CSMD2: variants seen among roughly 807,000 people sequenced by gnomAD.
The protein encoded by CSMD2 is CUB and Sushi multiple domains 2, also known as CUB and sushi domain-containing protein 2.
CSMD2 carries 130 observed loss-of-function variants against 398.5 expected under a neutral mutation model. The observed-to-expected ratio is 0.33, with a 90% CI of 0.28 to 0.38. CSMD2 has a LOEUF of 0.38. CSMD2 is among the 10% of genes least tolerant of loss of function. The pLI is 1.00. For missense variants in CSMD2, 3,829 were observed against 4,764.9 expected (o/e 0.80, Z 5.78); for synonymous variants, 1,828 against 1,908.5 (o/e 0.96, Z 1.10).
At chr1:33,697,890 G>A (rs1007889112) in intron 24 of CSMD2, among the ~76,000 whole-genome samples, 1 of 152,216 alleles carries the variant, frequency 6.6e-6, no homozygotes, top group African/African-American at 2.4e-5. Context: ...TTTGGCATGT[G>A]GGGCTTGGTA....
At position 33,987,349 on chromosome 1, in the gene CSMD2, G is replaced by A. The variant is rs375964830; in HGVS notation, c.517+45245C>T. Among the ~76,000 whole-genome samples, 32 of 152,118 alleles carry A rather than the reference G, an allele frequency of 2.1e-4. 1 individual carries two copies. The South Asian group carries it at 5.8e-3, about 28-fold the overall frequency. ...ATACACATACCAGATAATTTAATCCGCATAATACCCCAGAAGGTAAATTTA... is the reference window on the plus strand; with the variant it reads ...ATACACATACCAGATAATTTAATCCACATAATACCCCAGAAGGTAAATTTA... On this transcript the variant is annotated intron_variant, in intron 3 of 70. Transcript: ENST00000373381.
chr1:33,925,455 T>C (rs1644095244), intron 4 of CSMD2, among the ~76,000 whole-genome samples: 1 of 152,210 alleles, frequency 6.6e-6, no homozygotes, highest in Non-Finnish European at 1.5e-5. Flanking sequence ...AGCCTTGTAA[T>C]ATATTTTGAA....
chr1:33,603,802 T>C (rs1640392976), intron 42 of CSMD2, among the ~76,000 whole-genome samples: 1 of 152,182 alleles, frequency 6.6e-6, no homozygotes, highest in South Asian at 2.1e-4. Flanking sequence ...ATATTTATAC[T>C]CAGACCTAAG....
At chr1:33,878,768 T>C (rs1641026773) in intron 5 of CSMD2, among the ~76,000 whole-genome samples, 1 of 152,202 alleles carries the variant, frequency 6.6e-6, no homozygotes, top group Non-Finnish European at 1.5e-5. Flanking sequence ...AAGATACTAT[T>C]GAGATATGAC....
intron 1 of CSMD2, among the ~76,000 whole-genome samples, chr1:34,147,108 A>T (rs553435390): frequency 6.6e-6 from 1 of 152,168 alleles, no homozygotes; most frequent in Non-Finnish European, 1.5e-5. Context: ...ATACAAAAAA[A>T]TTAGCTGGGC....
intron 3 of CSMD2, among the ~76,000 whole-genome samples, chr1:34,019,344 A>G (rs114764109): frequency 3.3e-3 from 499 of 152,292 alleles, no homozygotes; most frequent in African/African-American, 8.0e-3. Flanking sequence ...ACATTCATCT[A>G]TTCAGCAAGA....
intron 49 of CSMD2, 120 bp from the exon 50 acceptor site, chr1:33,572,811 G>C: frequency 5.6e-6 from 4 of 710,936 alleles, no homozygotes; most frequent in East Asian, 3.1e-5. Context: ...AAAGGGTAAA[G>C]TATCATAATA....
intron 53 of CSMD2, among the ~76,000 whole-genome samples, chr1:33,565,760 A>C (rs1427726419): frequency 1.3e-5 from 2 of 152,232 alleles, no homozygotes; most frequent in Non-Finnish European, 2.9e-5. Context: ...ATTCTCAAAT[A>C]AGCATCTGGA....
At position 33,559,830 on chromosome 1, in the gene CSMD2, C is replaced by A. The variant is rs1281075146; in HGVS notation, c.8381-357G>T. 6.6e-6 allele frequency among the ~76,000 whole-genome samples: 1 copy of A among 152,084 alleles called. No homozygotes were observed. The highest frequency in any genetic ancestry group is 1.5e-5 in the Non-Finnish European group (1 of 68,024). ...TCTTAATTGCTGGGTATACTGATGG[C>A]CAACTGTCAGCTGGTTTAGGCCCAT... On this transcript the variant is annotated intron_variant, in intron 53 of 70. Coordinates refer to ENST00000373381, the MANE Select transcript of CSMD2 (RefSeq NM_001281956.2). This position sits in a 1 kb window ranked among gnomAD's most constrained non-coding sequence, Gnocchi z 4.0.
intron 6 of CSMD2, among the ~76,000 whole-genome samples, chr1:33,833,989 T>G (rs1326349991): frequency 1.1e-3 from 163 of 148,844 alleles, no homozygotes; most frequent in Non-Finnish European, 1.6e-3. Flanking sequence ...CACTGCTCAA[T>G]GAAATAAAAG....
At chr1:33,606,474 C>T (rs1328290403) in intron 41 of CSMD2, among the ~76,000 whole-genome samples, 1 of 152,206 alleles carries the variant, frequency 6.6e-6, no homozygotes, top group Non-Finnish European at 1.5e-5. Context: ...AGGAACTGGG[C>T]AGGTTTCCCT....
intron 6 of CSMD2, among the ~76,000 whole-genome samples, chr1:33,840,352 C>CTCT (rs917452735): frequency 8.5e-5 from 13 of 152,152 alleles, no homozygotes; most frequent in Non-Finnish European, 4.4e-5. Context: ...GCCTGGCTAC[C>CTCT]TCTTATTTGT....
At chr1:33,867,251 T>C (rs555732166) in intron 5 of CSMD2, among the ~76,000 whole-genome samples, 14 of 152,318 alleles carry the variant, frequency 9.2e-5, no homozygotes, top group African/African-American at 3.1e-4. Flanking sequence ...GTGGGAAATG[T>C]CTAGAAGCTG....
In CSMD2 at chr1:33,610,927, A is replaced by C. The variant is rs373145321; in HGVS notation, c.6343+114T>G. On this transcript the variant is annotated intron_variant, in intron 41 of 70. Coordinates refer to ENST00000373381, the MANE Select transcript of CSMD2 (RefSeq NM_001281956.2). ...CTTCCCTGACTGGGCCTGCCACCGC[A>C]ACCCACCCCTTATGGTGTTCTGTTT... 2.9e-5 allele frequency: 30 copies of C among 1,025,760 alleles called. No individual in the cohort carries two copies. In the African/African-American group the frequency reaches 4.3e-4, roughly 15 times the overall value. 63.5% of individuals were successfully genotyped at this position (1,025,760 alleles called of 1,614,324 possible). A position where few individuals can be genotyped will look rare whatever the true frequency, so the allele number is the denominator to read the frequency against.
intron 33 of CSMD2, among the ~76,000 whole-genome samples, chr1:33,625,737 C>T (rs1205355603): frequency 6.6e-6 from 1 of 152,162 alleles, no homozygotes; most frequent in Non-Finnish European, 1.5e-5. Context: ...ATGGCCTCCC[C>T]TGTGATAGGA....
chr1:33,995,756 A>G (rs999663782), intron 3 of CSMD2, among the ~76,000 whole-genome samples: 1 of 152,216 alleles, frequency 6.6e-6, no homozygotes, highest in Non-Finnish European at 1.5e-5. Flanking sequence ...AAAGAAATGG[A>G]CTTATCGCGA....
At chr1:34,086,718 C>G (rs1257885266) in intron 2 of CSMD2, among the ~76,000 whole-genome samples, 1 of 152,200 alleles carries the variant, frequency 6.6e-6, no homozygotes, top group Non-Finnish European at 1.5e-5. Flanking sequence ...ACAGCAGCCT[C>G]CAGCCTCACC....
At chr1:33,790,909 G>A (rs1461436705) in intron 11 of CSMD2, among the ~76,000 whole-genome samples, 1 of 152,072 alleles carries the variant, frequency 6.6e-6, no homozygotes, top group African/African-American at 2.4e-5. Context: ...CTAATACAGT[G>A]AATTAGGCAT....
chr1:33,755,702 T>C (rs1648890197), intron 13 of CSMD2, among the ~76,000 whole-genome samples: 1 of 152,174 alleles, frequency 6.6e-6, no homozygotes, highest in Non-Finnish European at 1.5e-5. Flanking sequence ...TGCAGTGCAG[T>C]GGTGCAATCC....
Sources: gnomAD v4.1 joint callset for allele counts (sites outside exome capture counted in the v4.1 genomes callset) on GRCh38, gnomAD v4.1.1 for gene constraint, Gnocchi (gnomAD v3.1) non-coding constraint, MANE v1.5 for transcripts, NCBI Gene and HGNC (gene_info 2026-07-23, HGNC 2026-07-21) for gene names.